The following TLN2 variants were observed in gnomAD, a reference collection of about 807,000 sequenced individuals.
The protein encoded by TLN2 is talin-2.
A neutral mutation model predicts 294.7 loss-of-function variants in TLN2; 118 were observed. The observed-to-expected ratio is 0.40, with a 90% CI of 0.34 to 0.47. TLN2 has a LOEUF of 0.47. Among genes scored for constraint, TLN2 ranks in the 20% least tolerant of loss-of-function variants. The probability of loss-of-function intolerance (pLI) is 0.84; values close to 1 mark genes in which losing one functional copy is unlikely to be tolerated. For missense variants in TLN2, 3,083 were observed against 3,282.2 expected (o/e 0.94, Z 1.48); for synonymous variants, 1,431 against 1,304.5 (o/e 1.10, Z -2.09).
intron 52 of TLN2, among the ~76,000 whole-genome samples, chr15:62,811,224 T>C (rs992200943): frequency 1.3e-5 from 2 of 152,238 alleles, no homozygotes; most frequent in African/African-American, 4.8e-5. Flanking sequence ...CTGAAGTGCA[T>C]TTTTTGGGAA....
Position 62,657,913 on chromosome 15 carries a change from GTTTCTCTTT to G in TLN2, c.788+26_788+34del. The G allele has an allele frequency of 1.2e-6, 2 of 1,606,788 alleles. No homozygotes were observed. The highest frequency in any genetic ancestry group is 1.7e-4 in the Middle Eastern group (1 of 6,034). On this transcript the variant is annotated intron_variant, in intron 9 of 58. Coordinates refer to ENST00000636159, the MANE Select transcript of TLN2 (RefSeq NM_015059.3). Reference sequence around the variant, plus strand: ...GGATTTTTAGAGTAAATGACATTTTGTTTCTCTTTTTTCTCTTTTCTCCTGTCTTCTTTC... The same window carrying G: ...GGATTTTTAGAGTAAATGACATTTTGTTTCTCTTTTCTCCTGTCTTCTTTC...
In TLN2 at chr15:62,783,699, C is replaced by A; in HGVS notation, c.5617-72C>A. 6.7e-6 allele frequency: 10 copies of A among 1,488,336 alleles called. 1 individual carries two copies. The highest frequency in any genetic ancestry group is 9.0e-6 in the Non-Finnish European group (10 of 1,112,432). 92.2% of individuals were successfully genotyped at this position (1,488,336 alleles called of 1,614,324 possible). On this transcript the variant is annotated intron_variant, in intron 44 of 58. Coordinates refer to ENST00000636159, the MANE Select transcript of TLN2 (RefSeq NM_015059.3). ...CCTTTGGCTTCCAGTGATATTAACA[C>A]ATGGTTCTCATGCGTTTCTCTCTGT...
chr15:62,742,334 G>C (rs762591669), intron 32 of TLN2, among the ~76,000 whole-genome samples: 5 of 152,020 alleles, frequency 3.3e-5, no homozygotes, highest in African/African-American at 1.2e-4. Context: ...CCTCTTGATC[G>C]TTGCTTTTTT....
At chr15:62,649,901 C>G in intron 4 of TLN2, 183 bp from the exon 5 acceptor site, 1 of 563,090 alleles carries the variant, frequency 1.8e-6, no homozygotes, top group Non-Finnish European at 3.2e-6. Flanking sequence ...TTCTGCAACT[C>G]AACTCTTACT....
At chr15:62,556,978 G>A (rs2042640261) in intron 1 of TLN2, among the ~76,000 whole-genome samples, 1 of 152,104 alleles carries the variant, frequency 6.6e-6, no homozygotes, top group Admixed American at 6.5e-5. Context: ...AGTGATATGA[G>A]ATGTGCCAAG....
intron 2 of TLN2, among the ~76,000 whole-genome samples, chr15:62,603,669 A>G (rs376736473): frequency 6.6e-6 from 1 of 152,230 alleles, no homozygotes; most frequent in South Asian, 2.1e-4. Context: ...TTTTGTAAAG[A>G]CAAAGCAGGA....
intron 8 of TLN2, 101 bp downstream of exon 8, chr15:62,656,187 T>C: frequency 6.8e-7 from 1 of 1,465,294 alleles, no homozygotes; most frequent in Admixed American, 2.0e-5. Context: ...TTCTGCCACA[T>C]TTATGGCGTC....
chr15:62,512,939 T>A (rs1330042236), intron 1 of TLN2, among the ~76,000 whole-genome samples: 1 of 152,230 alleles, frequency 6.6e-6, no homozygotes, highest in Non-Finnish European at 1.5e-5. Flanking sequence ...CTTCCAGCAC[T>A]TATTTCTTCA....
At chr15:62,512,583 C>T (rs1567045822) in intron 1 of TLN2, among the ~76,000 whole-genome samples, 2 of 152,182 alleles carry the variant, frequency 1.3e-5, no homozygotes, top group South Asian at 2.1e-4. Context: ...ATGATGTGCT[C>T]TTTCCGAGTG....
intron 1 of TLN2, chr15:62,561,232 G>T (rs2042930560): frequency 6.6e-6 from 1 of 152,206 alleles, no homozygotes; most frequent in Admixed American, 6.5e-5. Context: ...CTGGGCAGAA[G>T]CGTGATATTG....
chr15:62,690,338 C>T (rs1334838718), intron 12 of TLN2: 39 of 155,520 alleles, frequency 2.5e-4, no homozygotes, highest in East Asian at 3.9e-4. Flanking sequence ...GACGGGGTCG[C>T]GGCCGGGCAG....
chr15:62,710,334 T>C (rs2059344152), intron 21 of TLN2, among the ~76,000 whole-genome samples: 1 of 152,214 alleles, frequency 6.6e-6, no homozygotes, highest in East Asian at 1.9e-4. Context: ...ACCCAACTAG[T>C]AATCTGTAAG....
chr15:62,743,798 C>A (rs1470843081), intron 32 of TLN2, among the ~76,000 whole-genome samples: 1 of 152,130 alleles, frequency 6.6e-6, no homozygotes, highest in Non-Finnish European at 1.5e-5. Flanking sequence ...AGAAGGACTC[C>A]AGAACTGAGA....
At chr15:62,673,660 G>A (rs1487970371) in intron 9 of TLN2, among the ~76,000 whole-genome samples, 167 bp from the exon 10 acceptor site, 2 of 147,990 alleles carry the variant, frequency 1.4e-5, no homozygotes, top group Non-Finnish European at 3.0e-5. Context: ...TTTTATGTCC[G>A]TGCCCTTATT....
intron 1 of TLN2, among the ~76,000 whole-genome samples, chr15:62,392,097 C>T (rs568196198): frequency 2.0e-5 from 3 of 152,362 alleles, no homozygotes; most frequent in South Asian, 4.1e-4. Context: ...TTGGCTTTAG[C>T]GGCGACAGCA....
intron 1 of TLN2, among the ~76,000 whole-genome samples, chr15:62,402,008 G>A (rs980798892): frequency 6.6e-6 from 1 of 152,118 alleles, no homozygotes; most frequent in Non-Finnish European, 1.5e-5. Flanking sequence ...AAAGAATTAT[G>A]CCATCCAAAA....
intron 42 of TLN2, among the ~76,000 whole-genome samples, chr15:62,771,862 G>GA (rs2063370060): frequency 6.6e-6 from 1 of 152,196 alleles, no homozygotes; most frequent in South Asian, 2.1e-4. Context: ...AAGTAGTGGG[G>GA]AGCCATTGGC....
At chr15:62,484,421 A>G (rs1168758961) in intron 1 of TLN2, among the ~76,000 whole-genome samples, 1 of 151,972 alleles carries the variant, frequency 6.6e-6, no homozygotes. Flanking sequence ...TCCAAGGACC[A>G]TGGTTTTTTT....
In TLN2 at chr15:62,800,751, C is replaced by T. The variant is rs759179681; in HGVS notation, c.6459C>T (p.Cys2153=). 6.2e-7 allele frequency: 1 copy of T among 1,612,606 alleles called. No homozygotes were observed. Among genetic ancestry groups the T allele is most frequent in the East Asian group, 2.2e-5 (1 of 44,860 alleles). Residue 2153 remains cysteine (C), a synonymous_variant, in exon 50 of 59, where the codon TGC becomes TGT. Coordinates refer to ENST00000636159, the MANE Select transcript of TLN2 (RefSeq NM_015059.3). ...GTRALEATIE[C]IKQELTVFQS... is the part of the protein sequence containing the mutation. ...GGGCGCTTGAGGCCACAATTGAATGCATAAAGCAGGAGCTTACGGTAAGGA... is the reference window on the plus strand; with the variant it reads ...GGGCGCTTGAGGCCACAATTGAATGTATAAAGCAGGAGCTTACGGTAAGGA...
Sources: gnomAD v4.1 joint callset for allele counts (sites outside exome capture counted in the v4.1 genomes callset) on GRCh38, gnomAD v4.1.1 for gene constraint, MANE v1.5 for transcripts, NCBI Gene and HGNC (gene_info 2026-07-23, HGNC 2026-07-21) for gene names.